IGF1R: variants seen among roughly 807,000 people sequenced by gnomAD.
IGF1R encodes insulin-like growth factor 1 receptor.
Under a neutral mutation model 144.6 loss-of-function variants are expected in IGF1R, and 44 were observed. That is an observed-to-expected ratio of 0.30 (90% CI 0.24 to 0.39). The LOEUF (loss-of-function observed/expected upper bound fraction) is 0.39. Ranked by LOEUF, IGF1R falls within the 10% of genes least tolerant of loss-of-function variation. IGF1R has a pLI of 1.00. For synonymous variants in IGF1R, 795 were observed against 722.8 expected, an observed-to-expected ratio of 1.10 and a Z score of -1.60; for missense variants, 1,355 against 1,833.7, an observed-to-expected ratio of 0.74 and a Z score of 4.77.
intron 2 of IGF1R, among the ~76,000 whole-genome samples, chr15:98,857,427 C>T (rs933042826): frequency 1.4e-4 from 22 of 152,328 alleles, no homozygotes; most frequent in South Asian, 6.2e-4. Context: ...CCATGTTGGC[C>T]GGGCTGGTCT....
rs143784321 is a variant in IGF1R, at chr15:98,913,137, C to A, written c.1683C>A (p.Asp561Glu). Residue 561 changes from aspartate (D) to glutamate (E), a missense_variant, in exon 8 of 21, where the codon GAC becomes GAA. Asp to Glu is a conservative substitution (Grantham distance 45). Transcript: ENST00000650285. ...ACGTGGACCTCCCGCCCAACAAGGACGTGGAGCCCGGCATCTTACTACATG... is the reference window on the plus strand; with the variant it reads ...ACGTGGACCTCCCGCCCAACAAGGAAGTGGAGCCCGGCATCTTACTACATG... ...MVDVDLPPNK[D>E]VEPGILLHGL... 1.2e-6 allele frequency: 2 copies of A among 1,614,068 alleles called. No homozygotes were observed. Among genetic ancestry groups the A allele is most frequent in the Non-Finnish European group, 1.7e-6 (2 of 1,179,998 alleles).
intron 1 of IGF1R, among the ~76,000 whole-genome samples, chr15:98,654,234 C>T (rs903588091): frequency 6.6e-6 from 1 of 152,170 alleles, no homozygotes; most frequent in African/African-American, 2.4e-5. Flanking sequence ...CTGTGACATA[C>T]AGGTGATGTT....
At position 98,961,099 on chromosome 15, in the gene IGF1R, C is replaced by G. The variant is rs981661461; in HGVS notation, c.*3657C>G. The G allele has an allele frequency of 1.3e-5, 3 of 233,416 alleles. No homozygotes were observed. Among genetic ancestry groups the G allele is most frequent in the Non-Finnish European group, 1.7e-5 (2 of 117,940 alleles). The allele number at this position is 233,416 out of a possible 1,614,324, so 14.5% of individuals were successfully genotyped here. A position where few individuals can be genotyped will look rare whatever the true frequency, so the allele number is the denominator to read the frequency against. The stretch of plus-strand genomic sequence containing the variant: ...AGTGAAGGCGCTCAGGAGCCTCCTG[C>G]TGGAACGCGACCCATCTCTCCCAGG... On this transcript the variant is annotated 3_prime_UTR_variant, in exon 21 of 21. Transcript: ENST00000650285.
intron 2 of IGF1R, among the ~76,000 whole-genome samples, chr15:98,866,413 A>G (rs1438125449): frequency 2.0e-5 from 3 of 152,262 alleles, no homozygotes; most frequent in African/African-American, 7.2e-5. Context: ...CAAGGAGTAT[A>G]TTAATGCGGG....
intron 2 of IGF1R, among the ~76,000 whole-genome samples, chr15:98,776,825 C>T (rs1010266433): frequency 6.6e-5 from 10 of 152,212 alleles, no homozygotes; most frequent in South Asian, 4.1e-4. Flanking sequence ...CATCTTAAAA[C>T]GCCCGTGACC....
intron 1 of IGF1R, among the ~76,000 whole-genome samples, chr15:98,657,039 C>G (rs907246119): frequency 1.3e-5 from 2 of 152,132 alleles, no homozygotes; most frequent in African/African-American, 4.8e-5. Context: ...TGAAATTTTT[C>G]CTGATACATT....
intron 2 of IGF1R, among the ~76,000 whole-genome samples, chr15:98,730,134 C>T (rs2054463511): frequency 6.6e-6 from 1 of 152,096 alleles, no homozygotes; most frequent in Non-Finnish European, 1.5e-5. Flanking sequence ...GAGGCAGATC[C>T]AAATTCTAAT....
chr15:98,756,233 A>G (rs140732942), intron 2 of IGF1R, among the ~76,000 whole-genome samples: 1 of 141,890 alleles, frequency 7.0e-6, no homozygotes, highest in African/African-American at 2.5e-5. Context: ...CATTTACATA[A>G]TATAGGAAAT....
intron 2 of IGF1R, among the ~76,000 whole-genome samples, chr15:98,814,882 T>G (rs1017814731): frequency 6.6e-6 from 1 of 152,232 alleles, no homozygotes; most frequent in Admixed American, 6.5e-5. Flanking sequence ...CTATGATGCT[T>G]CCTTATATCT....
At chr15:98,676,282 C>T (rs1198588562) in intron 1 of IGF1R, among the ~76,000 whole-genome samples, 1 of 152,098 alleles carries the variant, frequency 6.6e-6, no homozygotes, top group African/African-American at 2.4e-5. Context: ...GGACTACAGG[C>T]ATGTGCCACC....
At chr15:98,868,462 G>C (rs961642146) in intron 2 of IGF1R, among the ~76,000 whole-genome samples, 9 of 147,884 alleles carry the variant, frequency 6.1e-5, no homozygotes, top group Admixed American at 4.8e-4. Context: ...TGTGAGTTCT[G>C]TCTCCTTGGC....
chr15:98,788,868 A>AT (rs1022191997), intron 2 of IGF1R, among the ~76,000 whole-genome samples: 2 of 151,338 alleles, frequency 1.3e-5, no homozygotes, highest in African/African-American at 2.4e-5. Flanking sequence ...TGTACATTAC[A>AT]TTTTTTTCTT....
At chr15:98,878,452 A>G (rs1022901423) in intron 2 of IGF1R, among the ~76,000 whole-genome samples, 2 of 152,196 alleles carry the variant, frequency 1.3e-5, no homozygotes, top group Admixed American at 1.3e-4. Flanking sequence ...GGAATATACA[A>G]ACAGTTCCAA....
At chr15:98,724,577 G>A (rs936904226) in intron 2 of IGF1R, among the ~76,000 whole-genome samples, 2 of 152,230 alleles carry the variant, frequency 1.3e-5, no homozygotes, top group African/African-American at 4.8e-5. Context: ...TAGACACGTT[G>A]TCATTTTTTC....
Position 98,777,559 on chromosome 15 carries a change from C to T in IGF1R, c.640+69452C>T, listed in dbSNP as rs529256751. Among the ~76,000 whole-genome samples the T allele has an allele frequency of 7.2e-5, 11 of 152,310 alleles. No homozygotes were observed. The South Asian group carries it at 1.2e-3, about 17-fold the overall frequency. ...CGAAGAGGAACCTCAAGGGTGCAGGCGGCTCTGGGATCTCAGCACATCTCA... is the reference window on the plus strand; with the variant it reads ...CGAAGAGGAACCTCAAGGGTGCAGGTGGCTCTGGGATCTCAGCACATCTCA... On this transcript the variant is annotated intron_variant, in intron 2 of 20. Coordinates refer to ENST00000650285, the MANE Select transcript of IGF1R (RefSeq NM_000875.5).
At chr15:98,718,400 T>C (rs1395386096) in intron 2 of IGF1R, among the ~76,000 whole-genome samples, 1 of 152,196 alleles carries the variant, frequency 6.6e-6, no homozygotes, top group East Asian at 1.9e-4. Flanking sequence ...ATCTGATTTG[T>C]TTTTGCAAGT....
At chr15:98,949,916 G>T (rs1052080977) in intron 20 of IGF1R, among the ~76,000 whole-genome samples, 15 of 152,116 alleles carry the variant, frequency 9.9e-5, no homozygotes, top group African/African-American at 3.6e-4. Flanking sequence ...GTTTGAGGAG[G>T]GGGTGAAGGT....
chr15:98,808,655 G>A (rs1270740498), intron 2 of IGF1R, among the ~76,000 whole-genome samples: 1 of 149,402 alleles, frequency 6.7e-6, no homozygotes, highest in African/African-American at 2.5e-5. Flanking sequence ...GGGACTCTAG[G>A]GCAGGTATGT....
chr15:98,913,391 T>C lies in IGF1R; in HGVS notation c.1828+109T>C. The C allele has an allele frequency of 3.5e-6, 3 of 859,616 alleles. No homozygotes were observed. The South Asian group carries it at 4.0e-5, about 11-fold the overall frequency. 53.2% of individuals were successfully genotyped at this position (859,616 alleles called of 1,614,324 possible). A position where few individuals can be genotyped will look rare whatever the true frequency, so the allele number is the denominator to read the frequency against. Reference sequence around the variant, plus strand: ...TTAGCAGTGAGCTATGCCTGTTGTCTTTCTTGTCAATAGGTAATACTGTGT... The same window carrying C: ...TTAGCAGTGAGCTATGCCTGTTGTCCTTCTTGTCAATAGGTAATACTGTGT... On this transcript the variant is annotated intron_variant, in intron 8 of 20. Transcript: ENST00000650285.
Sources: allele counts gnomAD v4.1 joint callset (sites outside exome capture counted in the v4.1 genomes callset), GRCh38; gene constraint gnomAD v4.1.1; transcripts MANE v1.5; gene names NCBI Gene and HGNC (gene_info 2026-07-23, HGNC 2026-07-21).